PHACTR1: variants seen among roughly 807,000 people sequenced by gnomAD.
The protein encoded by PHACTR1 is phosphatase and actin regulator 1.
A neutral mutation model predicts 69.2 loss-of-function variants in PHACTR1; 16 were observed. The ratio of observed to expected loss-of-function variants is 0.23; its 90% CI spans 0.16 to 0.35. The LOEUF (loss-of-function observed/expected upper bound fraction) is 0.35. Among genes scored for constraint, PHACTR1 ranks in the 10% least tolerant of loss-of-function variants. The probability of loss-of-function intolerance (pLI) is 1.00; values close to 1 mark genes in which losing one functional copy is unlikely to be tolerated. For synonymous variants in PHACTR1, 312 were observed against 284.5 expected (o/e 1.10, Z -0.97); for missense variants, 510 against 734.7 (o/e 0.69, Z 3.54).
At chr6:13,151,150 G>T (rs975317128) in intron 5 of PHACTR1, among the ~76,000 whole-genome samples, 4 of 152,186 alleles carry the variant, frequency 2.6e-5, no homozygotes, top group African/African-American at 9.7e-5. Context: ...TCAGCAGTAA[G>T]CTACCACAAA....
At chr6:13,202,920 G>A (rs765995395) in intron 7 of PHACTR1, among the ~76,000 whole-genome samples, 48 of 152,364 alleles carry the variant, frequency 3.2e-4, no homozygotes, top group African/African-American at 1.0e-3. Flanking sequence ...TGCACCATGT[G>A]CATGAGGGGT....
intron 4 of PHACTR1, among the ~76,000 whole-genome samples, chr6:12,800,409 C>G (rs1050993015): frequency 6.6e-6 from 1 of 152,130 alleles, no homozygotes; most frequent in Admixed American, 6.5e-5. Context: ...GTATTTTCTC[C>G]CTATTACAAA....
chr6:12,718,439 T>C (rs1209878435), intron 2 of PHACTR1: 1 of 174,458 alleles, frequency 5.7e-6, no homozygotes. Context: ...AAGGAAAGGC[T>C]GGTATGTTAT....
chr6:13,233,882 A>G (rs1208605823), intron 10 of PHACTR1, among the ~76,000 whole-genome samples: 1 of 152,196 alleles, frequency 6.6e-6, no homozygotes, highest in Non-Finnish European at 1.5e-5. Context: ...CACTCTTTCA[A>G]CTAGGGAGTT....
chr6:12,723,869 C>T (rs1762454003), intron 3 of PHACTR1, among the ~76,000 whole-genome samples: 1 of 152,166 alleles, frequency 6.6e-6, no homozygotes, highest in Non-Finnish European at 1.5e-5. Flanking sequence ...TTTTAAACTG[C>T]CCCCACGAGA....
chr6:12,820,710 G>C (rs1776107703), intron 4 of PHACTR1, among the ~76,000 whole-genome samples: 1 of 152,102 alleles, frequency 6.6e-6, no homozygotes, highest in Non-Finnish European at 1.5e-5. Flanking sequence ...AAATTAATTG[G>C]AAATCAAAGC....
At chr6:12,786,665 A>G (rs574371215) in intron 4 of PHACTR1, among the ~76,000 whole-genome samples, 5 of 152,356 alleles carry the variant, frequency 3.3e-5, no homozygotes, top group African/African-American at 1.2e-4. Flanking sequence ...TTGAGTTCAA[A>G]ATGACAGCTG....
intron 4 of PHACTR1, among the ~76,000 whole-genome samples, chr6:12,785,337 G>T (rs1771409670): frequency 6.6e-6 from 1 of 152,206 alleles, no homozygotes; most frequent in Admixed American, 6.5e-5. Flanking sequence ...CCATGGCAGA[G>T]CTGTGATGGA....
chr6:13,203,257 A>T (rs1765467530), intron 7 of PHACTR1, among the ~76,000 whole-genome samples: 1 of 152,196 alleles, frequency 6.6e-6, no homozygotes, highest in African/African-American at 2.4e-5. Flanking sequence ...GTCACTGAAC[A>T]AGATGCTGAG....
chr6:12,871,885 AC>A (rs199520983), intron 4 of PHACTR1, among the ~76,000 whole-genome samples: 3,587 of 152,224 alleles, frequency 0.024, 139 homozygotes, highest in African/African-American at 0.082. Flanking sequence ...CAAAAAAAAA[AC>A]ATTCCCTCAT....
chr6:13,006,533 T>C (rs1798814644), intron 4 of PHACTR1, among the ~76,000 whole-genome samples: 1 of 152,162 alleles, frequency 6.6e-6, no homozygotes, highest in South Asian at 2.1e-4. Flanking sequence ...TTCTATCTTA[T>C]GATGTTAGTA....
At chr6:13,091,859 G>A (rs143577670) in intron 5 of PHACTR1, among the ~76,000 whole-genome samples, 2,488 of 152,142 alleles carry the variant, frequency 0.016, 56 homozygotes, top group African/African-American at 0.054. Flanking sequence ...GTGCAATGGC[G>A]CAATCTCGGC....
chr6:12,939,023 T>C (rs1157625607), intron 4 of PHACTR1, among the ~76,000 whole-genome samples: 2 of 152,194 alleles, frequency 1.3e-5, no homozygotes, highest in African/African-American at 2.4e-5. Context: ...AACAGTCACA[T>C]ACAAATCTTG....
At chr6:13,152,446 G>A (rs1824457668) in intron 5 of PHACTR1, among the ~76,000 whole-genome samples, 1 of 152,194 alleles carries the variant, frequency 6.6e-6, no homozygotes, top group Non-Finnish European at 1.5e-5. Flanking sequence ...ATGGGGAACT[G>A]GCTTTCGTAA....
intron 5 of PHACTR1, among the ~76,000 whole-genome samples, chr6:13,117,242 A>G (rs528883457): frequency 6.6e-6 from 1 of 152,242 alleles, no homozygotes; most frequent in Non-Finnish European, 1.5e-5. Context: ...TAAAGACAAG[A>G]GACCACTTGG....
At chr6:13,218,483 T>A (rs985816274) in intron 8 of PHACTR1, among the ~76,000 whole-genome samples, 1 of 152,146 alleles carries the variant, frequency 6.6e-6, no homozygotes, top group African/African-American at 2.4e-5. Context: ...GTAATGAACA[T>A]GAAAGATAAG....
rs1472187723 is a variant in PHACTR1 at position 13,105,133 on chromosome 6, C to T, written c.415+51604C>T. ...ATGGTGGCTTACACCTGTAATTCAACCACTTTGAGAGGCCAAGGAGGGAAG... is the reference window on the plus strand; with the variant it reads ...ATGGTGGCTTACACCTGTAATTCAATCACTTTGAGAGGCCAAGGAGGGAAG... On this transcript the variant is annotated intron_variant, in intron 5 of 14. Coordinates refer to ENST00000332995, the MANE Select transcript of PHACTR1 (RefSeq NM_030948.6). Among the ~76,000 whole-genome samples, 3 of 152,150 alleles carry T rather than the reference C, an allele frequency of 2.0e-5. No homozygotes were observed. In the East Asian group the frequency reaches 5.8e-4, roughly 29 times the overall value.
intron 4 of PHACTR1, among the ~76,000 whole-genome samples, chr6:13,033,207 T>C (rs953730185): frequency 1.3e-5 from 2 of 152,230 alleles, no homozygotes; most frequent in African/African-American, 4.8e-5. Context: ...ATTTAAACTT[T>C]AGATTTTTAA....
At chr6:12,967,982 C>T (rs1044312767) in intron 4 of PHACTR1, among the ~76,000 whole-genome samples, 1 of 152,210 alleles carries the variant, frequency 6.6e-6, no homozygotes, top group Admixed American at 6.5e-5. Context: ...ATTTGGTTGT[C>T]GGGGCAGAAG....
Sources: gnomAD v4.1 joint callset for allele counts (sites outside exome capture counted in the v4.1 genomes callset) on GRCh38, gnomAD v4.1.1 for gene constraint, MANE v1.5 for transcripts, NCBI Gene and HGNC (gene_info 2026-07-23, HGNC 2026-07-21) for gene names.